Variants in TPTE observed in about 807,000 individuals in gnomAD.
TPTE encodes putative tyrosine-protein phosphatase TPTE.
In TPTE, 59 loss-of-function variants were observed where a neutral mutation model predicts 84.1. That is an observed-to-expected ratio of 0.70 (90% CI 0.57 to 0.87). The LOEUF is 0.87. Among genes scored for constraint, TPTE ranks in the 40% least tolerant of loss-of-function variants. The pLI, the probability that TPTE is intolerant of heterozygous loss-of-function variation, is 0.00. For synonymous variants in TPTE, 130 were observed against 223.5 expected, an observed-to-expected ratio of 0.58 and a Z score of 3.73; for missense variants, 382 against 659.6, an observed-to-expected ratio of 0.58 and a Z score of 4.61.
intron 14 of TPTE, among the ~76,000 whole-genome samples, chr21:10,573,122 T>C (rs1433530564): frequency 6.6e-6 from 1 of 150,380 alleles, no homozygotes; most frequent in East Asian, 1.9e-4. Flanking sequence ...CTGTAAAGGA[T>C]CATACAGACT....
intron 19 of TPTE, among the ~76,000 whole-genome samples, chr21:10,594,439 T>C (rs1211622755): frequency 6.6e-6 from 1 of 152,312 alleles, no homozygotes; most frequent in African/African-American, 2.4e-5. Flanking sequence ...CACCCTTTTC[T>C]CATAATGTTT....
Position 10,561,210 on chromosome 21 carries a change from A to G in TPTE, c.446+19A>G, listed in dbSNP as rs1429723567. 6.2e-7 allele frequency: 1 copy of G among 1,610,866 alleles called. No homozygotes were observed. Among genetic ancestry groups the G allele is most frequent in the Non-Finnish European group, 8.5e-7 (1 of 1,179,452 alleles). ...TAGAAAGGTAAGTTTGATTATTTTT[A>G]TAATGCATTAAGCTACTTTGTAGTT... is the stretch of plus-strand genomic sequence containing the variant. On this transcript the variant is annotated intron_variant, in intron 10 of 23. Coordinates refer to ENST00000618007, the MANE Select transcript of TPTE (RefSeq NM_199261.4).
At chr21:10,578,644 A>C (rs1171255915) in intron 17 of TPTE, 39 bp downstream of exon 17, 1 of 1,611,848 alleles carries the variant, frequency 6.2e-7, no homozygotes, top group East Asian at 2.2e-5. Flanking sequence ...ATTTCTAAAG[A>C]CATGTAAATA....
chr21:10,572,513 T>C (rs2075066336), intron 14 of TPTE, among the ~76,000 whole-genome samples: 1 of 146,562 alleles, frequency 6.8e-6, no homozygotes, highest in African/African-American at 2.5e-5. Flanking sequence ...TCAAGTCACA[T>C]ATAAGGGAAA....
At chr21:10,526,020 C>G (rs1211811205) in intron 2 of TPTE, among the ~76,000 whole-genome samples, 29 of 152,302 alleles carry the variant, frequency 1.9e-4, no homozygotes, top group Non-Finnish European at 1.6e-4. Context: ...ATGTCAGAAA[C>G]TCAAATTCTT....
chr21:10,521,965 A>G, intron 1 of TPTE, among the ~76,000 whole-genome samples: 1 of 150,266 alleles, frequency 6.7e-6, no homozygotes, highest in Non-Finnish European at 1.5e-5. Flanking sequence ...CTCCTCATTC[A>G]AACCCGGCCG....
chr21:10,603,256 TTAG>T (rs1201097175), intron 22 of TPTE, among the ~76,000 whole-genome samples: 1 of 152,312 alleles, frequency 6.6e-6, no homozygotes, highest in Non-Finnish European at 1.5e-5. Context: ...ACATAGGTCC[TTAG>T]TAGAGTCTGT....
chr21:10,540,464 G>A (rs2074348707), intron 4 of TPTE, among the ~76,000 whole-genome samples: 1 of 152,308 alleles, frequency 6.6e-6, no homozygotes, highest in African/African-American at 2.4e-5. Flanking sequence ...TTACCTTTCT[G>A]TGAGAATGAG....
chr21:10,538,201 C>T (rs1373128794), intron 3 of TPTE, among the ~76,000 whole-genome samples: 1 of 152,306 alleles, frequency 6.6e-6, no homozygotes, highest in African/African-American at 2.4e-5. Flanking sequence ...AGAACTCTGC[C>T]ACAATACAGG....
At chr21:10,593,101 G>C (rs1241228269) in intron 19 of TPTE, among the ~76,000 whole-genome samples, 4 of 152,302 alleles carry the variant, frequency 2.6e-5, no homozygotes, top group Non-Finnish European at 5.9e-5. Context: ...CAGTATTTCA[G>C]CTGGCGCCAG....
intron 14 of TPTE, among the ~76,000 whole-genome samples, chr21:10,573,509 G>A (rs1196020418): frequency 1.3e-5 from 2 of 152,308 alleles, no homozygotes; most frequent in African/African-American, 4.8e-5. Flanking sequence ...GTGTTCTGTA[G>A]TGCTGTAGGG....
At chr21:10,530,544 A>G (rs1328667555) in intron 3 of TPTE, among the ~76,000 whole-genome samples, 1 of 152,306 alleles carries the variant, frequency 6.6e-6, no homozygotes, top group African/African-American at 2.4e-5. Context: ...GGTATGAAAA[A>G]TTGCACAGCA....
At chr21:10,573,538 A>G (rs2075088204) in intron 14 of TPTE, among the ~76,000 whole-genome samples, 1 of 152,184 alleles carries the variant, frequency 6.6e-6, no homozygotes, top group Non-Finnish European at 1.5e-5. Context: ...GTTAACAATA[A>G]TTTATTGTAT....
intron 14 of TPTE, among the ~76,000 whole-genome samples, chr21:10,575,791 C>T (rs1210134003): frequency 6.6e-6 from 1 of 152,310 alleles, no homozygotes; most frequent in African/African-American, 2.4e-5. Context: ...ACAGACACTT[C>T]CCAAAAGAGA....
At chr21:10,605,321 C>T (rs576069135) in intron 23 of TPTE, 96 bp from the exon 24 acceptor site, 5 of 1,478,580 alleles carry the variant, frequency 3.4e-6, no homozygotes, top group Non-Finnish European at 4.5e-6. Flanking sequence ...TGGTGAGGTT[C>T]TTTTTTTGTT....
chr21:10,561,936 C>G (rs543531552), intron 10 of TPTE, among the ~76,000 whole-genome samples: 1 of 152,312 alleles, frequency 6.6e-6, no homozygotes, highest in Non-Finnish European at 1.5e-5. Context: ...GGCAAGACCC[C>G]GTGCTGTGCT....
intron 17 of TPTE, among the ~76,000 whole-genome samples, chr21:10,589,230 C>CT (rs1452023013): frequency 6.6e-6 from 1 of 152,234 alleles, no homozygotes; most frequent in African/African-American, 2.4e-5. Flanking sequence ...GAGGGTGTGA[C>CT]TGTAGAGCAT....
intron 19 of TPTE, among the ~76,000 whole-genome samples, chr21:10,595,169 A>G (rs542954497): frequency 6.6e-6 from 1 of 152,424 alleles, no homozygotes; most frequent in African/African-American, 2.4e-5. Flanking sequence ...CAGCCTCCCA[A>G]GTGGCTGGGA....
At chr21:10,579,072 CAT>C (rs1371693634) in intron 17 of TPTE, among the ~76,000 whole-genome samples, 18 of 152,400 alleles carry the variant, frequency 1.2e-4, no homozygotes, top group Non-Finnish European at 2.4e-4. Flanking sequence ...AGCTAATTAG[CAT>C]ATGCATTACT....
Sources: allele counts gnomAD v4.1 joint callset (sites outside exome capture counted in the v4.1 genomes callset), GRCh38; gene constraint gnomAD v4.1.1; transcripts MANE v1.5; gene names NCBI Gene and HGNC (gene_info 2026-07-23, HGNC 2026-07-21).